Variants in SEMA6D observed in about 807,000 individuals in gnomAD.
SEMA6D encodes the protein semaphorin-6D.
In SEMA6D, 35 loss-of-function variants were observed where a neutral mutation model predicts 106.6. That is an observed-to-expected ratio of 0.33 (90% CI 0.25 to 0.44). The LOEUF (loss-of-function observed/expected upper bound fraction) is 0.44. Ranked by LOEUF, SEMA6D falls within the 20% of genes least tolerant of loss-of-function variation. The probability of loss-of-function intolerance (pLI) is 1.00; values close to 1 mark genes in which losing one functional copy is unlikely to be tolerated. For missense variants in SEMA6D, 1,185 were observed against 1,345.9 expected, an observed-to-expected ratio of 0.88 and a Z score of 1.87; for synonymous variants, 499 against 487.7, an observed-to-expected ratio of 1.02 and a Z score of -0.31.
At chr15:47,756,035 A>G (rs2081709505) in intron 1 of SEMA6D, among the ~76,000 whole-genome samples, 1 of 152,100 alleles carries the variant, frequency 6.6e-6, no homozygotes, top group African/African-American at 2.4e-5. Flanking sequence ...AGCTTTCCTC[A>G]TCATATTTAG....
chr15:47,700,294 G>C (rs533493072), intron 4 of SEMA6D, among the ~76,000 whole-genome samples: 1 of 152,308 alleles, frequency 6.6e-6, no homozygotes, highest in East Asian at 1.9e-4. Context: ...GGGAGGCCAA[G>C]GTGGGAGGAT....
At chr15:47,712,371 G>A (rs1471220099) in intron 4 of SEMA6D, among the ~76,000 whole-genome samples, 1 of 152,110 alleles carries the variant, frequency 6.6e-6, no homozygotes, top group East Asian at 1.9e-4. Context: ...CAAACAAACC[G>A]GGATTAGAAT....
intron 1 of SEMA6D, among the ~76,000 whole-genome samples, chr15:47,209,716 T>C (rs546795005): frequency 1.3e-5 from 2 of 152,200 alleles, no homozygotes; most frequent in Non-Finnish European, 2.9e-5. Flanking sequence ...TCTCCAGGTC[T>C]GCTGTGTTGA....
At chr15:47,494,045 T>A (rs1374029450) in intron 3 of SEMA6D, among the ~76,000 whole-genome samples, 1 of 152,156 alleles carries the variant, frequency 6.6e-6, no homozygotes, top group African/African-American at 2.4e-5. Context: ...TTCTTCAAAG[T>A]CGGTTCCATT....
intron 1 of SEMA6D, among the ~76,000 whole-genome samples, chr15:47,352,438 T>C (rs1473470182): frequency 6.6e-6 from 1 of 152,182 alleles, no homozygotes; most frequent in Non-Finnish European, 1.5e-5. Context: ...AGTAGCAGCC[T>C]TGAATACACA....
chr15:47,282,709 G>T (rs950521936), intron 1 of SEMA6D, among the ~76,000 whole-genome samples: 2 of 152,178 alleles, frequency 1.3e-5, no homozygotes, highest in East Asian at 1.9e-4. Flanking sequence ...GGGTCAGTTA[G>T]TGTGGGGCAC....
intron 3 of SEMA6D, among the ~76,000 whole-genome samples, chr15:47,760,677 CTTTCTTTATGCGTT>C (rs2082012411): frequency 6.6e-6 from 1 of 151,334 alleles, no homozygotes; most frequent in Non-Finnish European, 1.5e-5. Context: ...AAAAAAAAAC[CTTTCTTTATGCGTT>C]TTTAACTTAG....
chr15:47,613,940 C>T, intron 4 of SEMA6D, among the ~76,000 whole-genome samples: 1 of 152,126 alleles, frequency 6.6e-6, no homozygotes, highest in Admixed American at 6.5e-5. Flanking sequence ...AGCCACCGCG[C>T]CCAGCCACTT....
In SEMA6D at chr15:47,202,463, C is replaced by T. The variant is rs186775927; in HGVS notation, c.-239+18045C>T. 3.5e-3 allele frequency among the ~76,000 whole-genome samples: 535 copies of T among 152,162 alleles called. 5 individuals carry two copies. The highest frequency in any genetic ancestry group is 0.012 in the African/African-American group (507 of 41,524). On this transcript the variant is annotated intron_variant, in intron 1 of 19. Coordinates refer to the SEMA6D transcript ENST00000558014. ...ATGCCTCAAGTGAGCATGTGTACAA[C>T]TCCAGTAGACACACTGTACATGCTC...
At chr15:47,539,839 A>G (rs774375157) in intron 3 of SEMA6D, among the ~76,000 whole-genome samples, 5 of 152,136 alleles carry the variant, frequency 3.3e-5, no homozygotes, top group Non-Finnish European at 5.9e-5. Flanking sequence ...GAGTTGGTGG[A>G]TCTGGGCCCT....
chr15:47,539,436 G>C (rs940862059), intron 3 of SEMA6D, among the ~76,000 whole-genome samples: 5 of 150,884 alleles, frequency 3.3e-5, no homozygotes, highest in African/African-American at 1.2e-4. Context: ...TGTTTGTTTT[G>C]TTTTGTTTTG....
intron 4 of SEMA6D, among the ~76,000 whole-genome samples, chr15:47,649,147 C>A (rs2077636462): frequency 6.6e-6 from 1 of 152,014 alleles, no homozygotes. Flanking sequence ...TTTATAATGG[C>A]ATAAGGAAGA....
rs73407020 is a variant in SEMA6D at position 47,435,611 on chromosome 15, C to G, written c.-159+23139C>G. 8.8e-3 allele frequency among the ~76,000 whole-genome samples: 1,344 copies of G among 152,204 alleles called. 14 individuals are homozygous for G. The highest frequency in any genetic ancestry group is 0.031 in the African/African-American group (1,287 of 41,544). The stretch of plus-strand genomic sequence containing the variant: ...CCAGCTCAGTGTGGCCAATTCTGCT[C>G]TGGCTCTTGAGAGATGCAAGATGCA... On this transcript the variant is annotated intron_variant, in intron 2 of 19. Coordinates refer to the SEMA6D transcript ENST00000558014.
At chr15:47,185,333 C>A (rs1427091986) in intron 1 of SEMA6D, among the ~76,000 whole-genome samples, 1 of 152,208 alleles carries the variant, frequency 6.6e-6, no homozygotes, top group Non-Finnish European at 1.5e-5. Context: ...TTCACAGAGA[C>A]AGCCTAGTAA....
In SEMA6D at chr15:47,765,967, G is replaced by T; in HGVS notation, c.1526G>T (p.Arg509Leu). 3 of 1,592,884 alleles carry T rather than the reference G, an allele frequency of 1.9e-6. No individual in the cohort carries two copies. The highest frequency in any genetic ancestry group is 2.6e-6 in the Non-Finnish European group (3 of 1,169,550). Residue 509 changes from arginine to leucine, a missense_variant, in exon 14 of 19, where the codon CGC (arginine) becomes CTC (leucine). Arg to Leu is a moderately radical substitution (Grantham distance 102). Coordinates refer to ENST00000536845, the MANE Select transcript of SEMA6D (RefSeq NM_001358351.3). ...GTGGCGTTCTCTAGCTGCATTATCCGCATCCCCCTCAGTCGCTGTGAGCGT... is the reference window on the plus strand; with the variant it reads ...GTGGCGTTCTCTAGCTGCATTATCCTCATCCCCCTCAGTCGCTGTGAGCGT... ...LYVAFSSCIIRIPLSRCERYG... is the reference protein window; with the variant it reads ...LYVAFSSCIILIPLSRCERYG...
chr15:47,523,168 T>G (rs1342789658), intron 3 of SEMA6D, among the ~76,000 whole-genome samples: 2 of 152,078 alleles, frequency 1.3e-5, no homozygotes, highest in African/African-American at 4.8e-5. Flanking sequence ...GGGATCCCAC[T>G]TGGGAGGTCA....
At chr15:47,193,039 T>G (rs974657237) in intron 1 of SEMA6D, among the ~76,000 whole-genome samples, 2 of 152,164 alleles carry the variant, frequency 1.3e-5, no homozygotes, top group Non-Finnish European at 2.9e-5. Context: ...GATCATTGCC[T>G]TATCTCCCAG....
At chr15:47,197,234 A>G (rs1399322638) in intron 1 of SEMA6D, among the ~76,000 whole-genome samples, 1 of 152,140 alleles carries the variant, frequency 6.6e-6, no homozygotes, top group African/African-American at 2.4e-5. Flanking sequence ...CTAGCCTGTG[A>G]TGATTTGATG....
intron 2 of SEMA6D, among the ~76,000 whole-genome samples, chr15:47,451,094 G>A (rs16959527): frequency 2.4e-3 from 361 of 152,206 alleles, no homozygotes; most frequent in African/African-American, 8.4e-3. Context: ...AGGCTTAAAA[G>A]CAGTGATGCA....
Sources: gnomAD v4.1 joint callset for allele counts (sites outside exome capture counted in the v4.1 genomes callset) on GRCh38, gnomAD v4.1.1 for gene constraint, MANE v1.5 for transcripts, NCBI Gene and HGNC (gene_info 2026-07-23, HGNC 2026-07-21) for gene names.